Variants in RAB3C observed in about 807,000 individuals in gnomAD.
The protein encoded by RAB3C is ras-related protein Rab-3C.
In RAB3C, 17 loss-of-function variants were observed where a neutral mutation model predicts 26.4. The observed-to-expected ratio is 0.64, with a 90% confidence interval of 0.44 to 0.97. RAB3C has a LOEUF of 0.97. Among genes scored for constraint, RAB3C ranks in the 50% least tolerant of loss-of-function variants. The pLI, the probability that RAB3C is intolerant of heterozygous loss-of-function variation, is 0.00. For missense variants in RAB3C, 242 were observed against 281.9 expected (o/e 0.86, Z 1.01); for synonymous variants, 91 against 95.9 (o/e 0.95, Z 0.30).
intron 2 of RAB3C, among the ~76,000 whole-genome samples, chr5:58,627,510 A>G (rs1375645481): frequency 1.4e-5 from 1 of 70,240 alleles, no homozygotes; most frequent in Non-Finnish European, 2.7e-5. Context: ...AAAAAAAAAA[A>G]AAAAAAAAAC....
At chr5:58,793,196 G>T (rs1334048878) in intron 3 of RAB3C, among the ~76,000 whole-genome samples, 1 of 152,094 alleles carries the variant, frequency 6.6e-6, no homozygotes, top group Non-Finnish European at 1.5e-5. Context: ...ACAGCCTGTG[G>T]ATACAATACC....
Position 58,641,465 on chromosome 5 carries a change from C to T in RAB3C, c.252+23595C>T, listed in dbSNP as rs1747411177. On this transcript the variant is annotated intron_variant, in intron 2 of 4. Transcript: ENST00000282878. ...CCAGAAATAGCATGGAAATGGGGAA[C>T]TAAATTATAAATGAAAAACCAGGAG... Among the ~76,000 whole-genome samples, 3 of 152,164 alleles carry T rather than the reference C, an allele frequency of 2.0e-5. No homozygotes were observed. The South Asian group carries it at 6.2e-4, about 32-fold the overall frequency.
chr5:58,759,902 C>T (rs958886586), intron 3 of RAB3C, among the ~76,000 whole-genome samples: 5 of 152,082 alleles, frequency 3.3e-5, no homozygotes, highest in South Asian at 2.1e-4. Context: ...ATTTACAGGA[C>T]GAAAATTAGG....
At chr5:58,839,938 A>G (rs1238712686) in intron 4 of RAB3C, among the ~76,000 whole-genome samples, 6 of 151,120 alleles carry the variant, frequency 4.0e-5, no homozygotes, top group Non-Finnish European at 8.8e-5. Flanking sequence ...GGTACTTTAA[A>G]TATATTATTC....
intron 2 of RAB3C, among the ~76,000 whole-genome samples, chr5:58,628,106 G>A (rs145728435): frequency 2.4e-4 from 30 of 126,568 alleles, no homozygotes; most frequent in African/African-American, 7.1e-4. Context: ...GCAGTGAGCC[G>A]AGATCGTACC....
intron 4 of RAB3C, among the ~76,000 whole-genome samples, chr5:58,849,347 T>G (rs1404777561): frequency 3.3e-5 from 5 of 152,142 alleles, no homozygotes; most frequent in Non-Finnish European, 7.4e-5. Flanking sequence ...CATCCTCCCA[T>G]TAGGTCTGGG....
At chr5:58,657,449 G>A (rs144719298) in intron 2 of RAB3C, among the ~76,000 whole-genome samples, 208 of 152,170 alleles carry the variant, frequency 1.4e-3, no homozygotes, top group Admixed American at 3.3e-3. Flanking sequence ...ATTTGAGAGA[G>A]ATCTGAATGA....
At chr5:58,725,283 A>G (rs1561301342) in intron 2 of RAB3C, among the ~76,000 whole-genome samples, 1 of 151,760 alleles carries the variant, frequency 6.6e-6, no homozygotes, top group Non-Finnish European at 1.5e-5. Flanking sequence ...TTTCATTGAG[A>G]AGCCTGTTGT....
At chr5:58,706,994 T>G (rs370476950) in intron 2 of RAB3C, among the ~76,000 whole-genome samples, 1 of 152,228 alleles carries the variant, frequency 6.6e-6, no homozygotes, top group African/African-American at 2.4e-5. Context: ...TGTCTCAATT[T>G]GTTGTTCGAT....
chr5:58,825,897 T>A, intron 4 of RAB3C, among the ~76,000 whole-genome samples: 1 of 152,190 alleles, frequency 6.6e-6, no homozygotes, highest in East Asian at 1.9e-4. Flanking sequence ...CTTTATATTA[T>A]GCCAAACATC....
intron 3 of RAB3C, among the ~76,000 whole-genome samples, chr5:58,824,506 T>C (rs1743427952): frequency 6.6e-6 from 1 of 152,186 alleles, no homozygotes; most frequent in African/African-American, 2.4e-5. Flanking sequence ...CTCATGATTC[T>C]TTTTTTAAAA....
In RAB3C at chr5:58,626,058, C is replaced by T. The variant is rs112868441; in HGVS notation, c.252+8188C>T. Among the ~76,000 whole-genome samples, 1,205 of 152,190 alleles carry T rather than the reference C, an allele frequency of 7.9e-3. 12 individuals are homozygous for T. Among genetic ancestry groups the T allele is most frequent in the African/African-American group, 0.028 (1,146 of 41,512 alleles). On this transcript the variant is annotated intron_variant, in intron 2 of 4. Coordinates refer to ENST00000282878, the MANE Select transcript of RAB3C (RefSeq NM_138453.4). ...GAACATGAAAGATAAGCCAACTTGA[C>T]GCTCAGGATTATCAGCATCTGATGA... is the stretch of plus-strand genomic sequence containing the variant.
chr5:58,594,813 C>A, intron 1 of RAB3C, among the ~76,000 whole-genome samples: 1 of 143,102 alleles, frequency 7.0e-6, no homozygotes, highest in East Asian at 2.0e-4. Flanking sequence ...ATGATGAAAA[C>A]TTATTGGGAA....
rs1168785442 is a variant in RAB3C at position 58,610,194 on chromosome 5, C to CTGTG, written c.25-7423_25-7420dup. 9.1e-3 allele frequency among the ~76,000 whole-genome samples: 1,312 copies of CTGTG among 143,444 alleles called. 20 individuals carry two copies. Among genetic ancestry groups the CTGTG allele is most frequent in the African/African-American group, 0.026 (1,003 of 38,550 alleles). The allele number at this position is 143,444 out of a possible 152,430, so 94.1% of individuals were successfully genotyped here. Reference sequence around the variant, plus strand: ...TCAGAAAAAAATGATTTTTGTTTTTCTGTGTGTGTGTGTGTGTGTGTGTGT... The same window carrying CTGTG: ...TCAGAAAAAAATGATTTTTGTTTTTCTGTGTGTGTGTGTGTGTGTGTGTGTGTGT... On this transcript the variant is annotated intron_variant, in intron 1 of 4. Coordinates refer to ENST00000282878, the MANE Select transcript of RAB3C (RefSeq NM_138453.4).
chr5:58,772,835 A>G (rs1682063622), intron 3 of RAB3C, among the ~76,000 whole-genome samples: 1 of 152,212 alleles, frequency 6.6e-6, no homozygotes, highest in South Asian at 2.1e-4. Context: ...GGTCTATTGT[A>G]TAGAGAATCA....
chr5:58,733,668 A>G (rs1741072968), intron 3 of RAB3C, among the ~76,000 whole-genome samples: 1 of 152,218 alleles, frequency 6.6e-6, no homozygotes, highest in Non-Finnish European at 1.5e-5. Context: ...TAGGTCCTAA[A>G]TAGGCTTAAG....
chr5:58,753,342 A>T (rs1741575573), intron 3 of RAB3C, among the ~76,000 whole-genome samples: 1 of 152,144 alleles, frequency 6.6e-6, no homozygotes, highest in Admixed American at 6.5e-5. Flanking sequence ...TTATTCCCAA[A>T]TCATAGATCT....
intron 3 of RAB3C, among the ~76,000 whole-genome samples, chr5:58,739,645 C>T (rs945046262): frequency 1.3e-5 from 2 of 152,174 alleles, no homozygotes; most frequent in East Asian, 3.8e-4. Flanking sequence ...TCATGTTAGA[C>T]AGAGCCCATA....
At chr5:58,807,559 C>T (rs62358121) in intron 3 of RAB3C, among the ~76,000 whole-genome samples, 23,829 of 152,080 alleles carry the variant, frequency 0.16, 3,275 homozygotes, top group African/African-American at 0.37. Flanking sequence ...GTTCCTGGCA[C>T]GAGCTGTCTT....
Sources: gnomAD v4.1 joint callset for allele counts (sites outside exome capture counted in the v4.1 genomes callset) on GRCh38, gnomAD v4.1.1 for gene constraint, MANE v1.5 for transcripts, NCBI Gene and HGNC (gene_info 2026-07-23, HGNC 2026-07-21) for gene names.